The following VWA3B variants were observed in gnomAD, a reference collection of about 807,000 sequenced individuals.
The protein encoded by VWA3B is von Willebrand factor A domain-containing protein 3B.
VWA3B carries 138 observed loss-of-function variants against 158.3 expected under a neutral mutation model. The ratio of observed to expected loss-of-function variants is 0.87; its 90% CI spans 0.76 to 1.00. VWA3B has a LOEUF of 1.00. Among genes scored for constraint, VWA3B ranks in the 50% least tolerant of loss-of-function variants. The probability of loss-of-function intolerance (pLI) is 0.00; values close to 1 mark genes in which losing one functional copy is unlikely to be tolerated. For missense variants in VWA3B, 1,555 were observed against 1,565.1 expected, an observed-to-expected ratio of 0.99 and a Z score of 0.11; for synonymous variants, 596 against 587.3, an observed-to-expected ratio of 1.01 and a Z score of -0.21.
At chr2:98,132,735 T>C (rs1349455112) in intron 6 of VWA3B, among the ~76,000 whole-genome samples, 2 of 152,204 alleles carry the variant, frequency 1.3e-5, no homozygotes, top group Non-Finnish European at 2.9e-5. Flanking sequence ...GCTGGACATT[T>C]CTGCTCTGGA....
intron 10 of VWA3B, among the ~76,000 whole-genome samples, chr2:98,191,588 C>G (rs766875439): frequency 6.6e-6 from 1 of 152,206 alleles, no homozygotes; most frequent in Non-Finnish European, 1.5e-5. Context: ...AGGCAATACT[C>G]TTTCAAGAAC....
rs562136821 is a variant in VWA3B, at chr2:98,249,105, A to G, written c.2674-1213A>G. ...ATGCCTACATGCTCCTTATGGGTGG[A>G]ATCATTTTTGAAACAATGACAGTAT... On this transcript the variant is annotated intron_variant, in intron 19 of 27. Transcript: ENST00000477737. Among the ~76,000 whole-genome samples the G allele has an allele frequency of 5.9e-5, 9 of 152,272 alleles. No homozygotes were observed. In the East Asian group the frequency reaches 1.7e-3, roughly 29 times the overall value.
At chr2:98,206,613 G>A in intron 12 of VWA3B, 1 of 425,324 alleles carries the variant, frequency 2.4e-6, no homozygotes, top group South Asian at 2.2e-5. Flanking sequence ...GATGAAAGCG[G>A]TCCCATCAAA....
intron 22 of VWA3B, among the ~76,000 whole-genome samples, chr2:98,285,695 G>T (rs1574279497): frequency 6.7e-6 from 1 of 150,194 alleles, no homozygotes. Context: ...CTCCAAATTT[G>T]TTCTTTTTCA....
intron 14 of VWA3B, 116 bp from the exon 15 acceptor site, chr2:98,228,086 C>G: frequency 1.6e-6 from 2 of 1,231,250 alleles, no homozygotes; most frequent in Non-Finnish European, 2.2e-6. Context: ...CCCAGGAGCT[C>G]AAGACCAGCG....
At chr2:98,264,718 T>C (rs1687689182) in intron 21 of VWA3B, among the ~76,000 whole-genome samples, 1 of 152,144 alleles carries the variant, frequency 6.6e-6, no homozygotes. Context: ...CACATGTTGG[T>C]TAGGCCCAGT....
intron 1 of VWA3B, among the ~76,000 whole-genome samples, chr2:98,091,947 T>A (rs921423): frequency 0.31 from 47,391 of 152,126 alleles, 8,294 homozygotes; most frequent in Non-Finnish European, 0.38. Flanking sequence ...TTTGGCCCCA[T>A]CCTTTCCTCT....
intron 16 of VWA3B, among the ~76,000 whole-genome samples, chr2:98,232,916 G>A (rs1685433565): frequency 6.6e-6 from 1 of 152,138 alleles, no homozygotes; most frequent in Non-Finnish European, 1.5e-5. Flanking sequence ...TGTCTCTGAG[G>A]TGTCCCCACA....
chr2:98,175,019 C>A (rs1437362181), intron 8 of VWA3B, among the ~76,000 whole-genome samples: 3 of 152,158 alleles, frequency 2.0e-5, no homozygotes, highest in African/African-American at 7.2e-5. Flanking sequence ...AAACAACCAC[C>A]AAATCACAAC....
At chr2:98,298,441 T>TCTATTCTATGCTATG (rs1553439678) in intron 24 of VWA3B, among the ~76,000 whole-genome samples, 13 of 118,438 alleles carry the variant, frequency 1.1e-4, no homozygotes, top group Non-Finnish European at 2.5e-4. Flanking sequence ...TCTATTCTAT[T>TCTATTCTATGCTATG]CTATGCCATG....
downstream of VWA3B, among the ~76,000 whole-genome samples, chr2:98,315,490 A>G (rs191443026): frequency 6.6e-6 from 1 of 152,360 alleles, no homozygotes; most frequent in Admixed American, 6.5e-5. Flanking sequence ...CTTGAAACAG[A>G]AGGATGTTCT....
intron 2 of VWA3B, among the ~76,000 whole-genome samples, chr2:98,096,574 AT>A (rs1276978746): frequency 6.6e-6 from 1 of 152,022 alleles, no homozygotes; most frequent in Non-Finnish European, 1.5e-5. Flanking sequence ...CAGCCAGGAG[AT>A]TTTTTATTAC....
intron 14 of VWA3B, among the ~76,000 whole-genome samples, chr2:98,226,964 C>T (rs1399474721): frequency 6.6e-6 from 1 of 152,190 alleles, no homozygotes; most frequent in Non-Finnish European, 1.5e-5. Context: ...AAGCCAGAAG[C>T]ATTCCCTTTG....
At chr2:98,149,489 A>G (rs996218508) in intron 7 of VWA3B, among the ~76,000 whole-genome samples, 1 of 152,236 alleles carries the variant, frequency 6.6e-6, no homozygotes, top group Non-Finnish European at 1.5e-5. Flanking sequence ...CAAATGAAGT[A>G]GTGGCCTGCA....
At chr2:98,179,557 C>T (rs1680298660) in intron 8 of VWA3B, among the ~76,000 whole-genome samples, 1 of 152,136 alleles carries the variant, frequency 6.6e-6, no homozygotes, top group African/African-American at 2.4e-5. Flanking sequence ...AGCCTCCTAG[C>T]CTTCGCGTGT....
intron 22 of VWA3B, among the ~76,000 whole-genome samples, chr2:98,286,494 A>C (rs764371931): frequency 1.3e-5 from 2 of 151,650 alleles, no homozygotes; most frequent in Non-Finnish European, 2.9e-5. Flanking sequence ...TTTGTCAAAT[A>C]CTCTTTCTCC....
the VWA3B span, among the ~76,000 whole-genome samples, chr2:98,324,228 T>TC: frequency 6.6e-6 from 1 of 152,176 alleles, no homozygotes; most frequent in East Asian, 1.9e-4. Flanking sequence ...AGTTGTGCAA[T>TC]CTTAGCTCAC....
At chr2:98,313,808 C>T (rs894569466), downstream of VWA3B, among the ~76,000 whole-genome samples, 1 of 152,102 alleles carries the variant, frequency 6.6e-6, no homozygotes, top group Non-Finnish European at 1.5e-5. Context: ...GACTACAGGG[C>T]AAATATATAC....
intron 16 of VWA3B, among the ~76,000 whole-genome samples, chr2:98,234,180 C>T (rs1685520523): frequency 6.6e-6 from 1 of 152,172 alleles, no homozygotes; most frequent in Non-Finnish European, 1.5e-5. Flanking sequence ...CTAGGTGAGT[C>T]CAGTGTAACT....
Sources: gnomAD v4.1 joint callset for allele counts (sites outside exome capture counted in the v4.1 genomes callset) on GRCh38, gnomAD v4.1.1 for gene constraint, MANE v1.5 for transcripts, NCBI Gene and HGNC (gene_info 2026-07-23, HGNC 2026-07-21) for gene names.